Variants in PAK3 observed in about 807,000 individuals in gnomAD.
PAK3 encodes the protein p21 (RAC1) activated kinase 3, also known as serine/threonine-protein kinase PAK 3.
In PAK3, 4 loss-of-function variants were observed where a neutral mutation model predicts 41.0. That is an observed-to-expected ratio of 0.10 (90% CI 0.05 to 0.22). The LOEUF (loss-of-function observed/expected upper bound fraction) is 0.22, where lower values mean the gene tolerates loss of function less well. PAK3 is among the 10% of genes least tolerant of loss of function. The pLI is 1.00. For missense variants in PAK3, 205 were observed against 409.9 expected (o/e 0.50, Z 4.32); for synonymous variants, 146 against 139.6 (o/e 1.05, Z -0.32).
At chrX:110,954,304 T>C (rs961643363) in intron 1 of PAK3, among the ~76,000 whole-genome samples, 2 of 112,302 alleles carry the variant, frequency 1.8e-5, no homozygotes, top group African/African-American at 6.5e-5. Flanking sequence ...TTATTAACTG[T>C]TTGTTGTGTG....
At chrX:110,974,727 C>T (rs1331042553) in intron 1 of PAK3, among the ~76,000 whole-genome samples, 1 of 111,726 alleles carries the variant, frequency 9.0e-6, no homozygotes, top group East Asian at 2.8e-4. Context: ...TACCGGCAAA[C>T]CAAATCCAGC....
intron 1 of PAK3, among the ~76,000 whole-genome samples, chrX:110,998,209 G>A (rs1275904256): frequency 8.9e-6 from 1 of 111,769 alleles, no homozygotes; most frequent in Non-Finnish European, 1.9e-5. Flanking sequence ...GTAGAAAAGA[G>A]AAGTCCAAGG....
At chrX:111,211,136 G>A (rs1171985737) in intron 16 of PAK3, among the ~76,000 whole-genome samples, 1 of 111,273 alleles carries the variant, frequency 9.0e-6, no homozygotes, top group African/African-American at 3.3e-5. Context: ...AGTAGTATGT[G>A]AGCTTCAGCC....
chrX:110,988,451 T>C (rs979947736), intron 1 of PAK3, among the ~76,000 whole-genome samples: 1 of 112,424 alleles, frequency 8.9e-6, no homozygotes. Context: ...AAGACAGTTA[T>C]ATTTATCATT....
chrX:111,127,123 C>T (rs769676399), intron 5 of PAK3, among the ~76,000 whole-genome samples: 55 of 111,850 alleles, frequency 4.9e-4, no homozygotes, highest in African/African-American at 1.7e-3. Context: ...ATGCATACAG[C>T]TTTGTTGCTT....
rs1186368361 is a variant in PAK3, at chrX:110,948,394, A to G, written c.-28+3766A>G. 2.7e-5 allele frequency among the ~76,000 whole-genome samples: 3 copies of G among 111,896 alleles called. No individual in the cohort carries two copies. The East Asian group carries it at 8.5e-4, about 32-fold the overall frequency. On this transcript the variant is annotated intron_variant, in intron 1 of 14. Transcript: ENST00000425146. Reference sequence around the variant, plus strand: ...GCTAGCTGGTGCAGGATTTCTCTCCAGTAGCCCCAACACCCAACCTGGGCT... The same window carrying G: ...GCTAGCTGGTGCAGGATTTCTCTCCGGTAGCCCCAACACCCAACCTGGGCT...
In PAK3 at chrX:110,990,855, C is replaced by T. The variant is rs766726873; in HGVS notation, c.-28+46227C>T. On this transcript the variant is annotated intron_variant, in intron 1 of 14. Coordinates refer to the PAK3 transcript ENST00000425146. ...TATGAAGTCAAGGTGGGGCCAGGCACGGTGGTTCATGCCTGTAATCCCAGC... is the reference window on the plus strand; with the variant it reads ...TATGAAGTCAAGGTGGGGCCAGGCATGGTGGTTCATGCCTGTAATCCCAGC... Among the ~76,000 whole-genome samples, 8 of 110,663 alleles carry T rather than the reference C, an allele frequency of 7.2e-5. No individual in the cohort carries two copies. In the East Asian group the frequency reaches 1.4e-3, roughly 20 times the overall value.
intron 5 of PAK3, among the ~76,000 whole-genome samples, chrX:111,124,735 G>A (rs1170415846): frequency 9.0e-6 from 1 of 111,323 alleles, no homozygotes. Flanking sequence ...AGAAAATTGT[G>A]CCCAAACCCT....
At position 111,225,279 on chromosome X, in the gene PAK3, T is replaced by C. The variant is rs2094947448; in HGVS notation, c.*4832T>C. 8.9e-6 allele frequency: 1 copy of C among 112,292 alleles called. No homozygotes were observed. Among genetic ancestry groups the C allele is most frequent in the African/African-American group, 3.2e-5 (1 of 30,898 alleles). 9.3% of individuals were successfully genotyped at this position (112,292 alleles called of 1,213,427 possible). The stretch of plus-strand genomic sequence containing the variant: ...CCAAATGAATATAACCCAACATGCA[T>C]TGGGAATGTGTTTAATATTAAACAA... On this transcript the variant is annotated 3_prime_UTR_variant, in exon 18 of 18. Coordinates refer to ENST00000372007, the MANE Select transcript of PAK3 (RefSeq NM_002578.5).
intron 1 of PAK3, among the ~76,000 whole-genome samples, chrX:110,993,849 A>T (rs939558006): frequency 5.4e-5 from 6 of 111,616 alleles, no homozygotes; most frequent in Non-Finnish European, 7.5e-5. Context: ...TTCCTCTGTA[A>T]TTCTGTGCAC....
intron 1 of PAK3, among the ~76,000 whole-genome samples, chrX:111,013,514 T>C (rs987122886): frequency 9.0e-6 from 1 of 111,195 alleles, no homozygotes; most frequent in African/African-American, 3.3e-5. Flanking sequence ...TAACACTGAT[T>C]GAGCACCAGT....
chrX:111,146,852 G>T (rs949314114), intron 6 of PAK3, among the ~76,000 whole-genome samples: 6 of 111,737 alleles, frequency 5.4e-5, no homozygotes, highest in Non-Finnish European at 1.1e-4. Context: ...GACTTCTGTA[G>T]GCTGGACATG....
At chrX:111,035,012 G>A (rs763610512) in intron 1 of PAK3, among the ~76,000 whole-genome samples, 25 of 103,832 alleles carry the variant, frequency 2.4e-4, no homozygotes, top group Non-Finnish European at 4.5e-4. Context: ...GGGCTGAGGT[G>A]GAAGGATGGC....
At chrX:111,045,821 G>A (rs1385374967) in intron 1 of PAK3, among the ~76,000 whole-genome samples, 1 of 111,622 alleles carries the variant, frequency 9.0e-6, no homozygotes, top group African/African-American at 3.3e-5. Flanking sequence ...ACCATGGCGA[G>A]GCTAAGCTGT....
intron 5 of PAK3, 89 bp from the exon 6 acceptor site, chrX:111,142,007 T>C (rs1295163841): frequency 1.2e-5 from 7 of 573,210 alleles, no homozygotes; most frequent in Non-Finnish European, 2.2e-5. Context: ...GTCTTTCAAC[T>C]TTGTAATTGT....
intron 1 of PAK3, among the ~76,000 whole-genome samples, chrX:111,045,105 T>C (rs2092484745): frequency 8.9e-6 from 1 of 112,368 alleles, no homozygotes; most frequent in Non-Finnish European, 1.9e-5. Flanking sequence ...GCTTAGGTAC[T>C]GTTAGCTATT....
Position 111,017,554 on chromosome X carries a change from C to T in PAK3, c.-28+72926C>T, listed in dbSNP as rs183087531. Among the ~76,000 whole-genome samples the T allele has an allele frequency of 1.2e-4, 13 of 111,640 alleles. No individual in the cohort carries two copies. The Admixed American group carries it at 1.2e-3, about 11-fold the overall frequency. On this transcript the variant is annotated intron_variant, in intron 1 of 14. Coordinates refer to the PAK3 transcript ENST00000425146. ...CAATATTGAATTATGAAGAAATAGA[C>T]AATGCCAATACACCTATAACTAGTA...
intron 14 of PAK3, among the ~76,000 whole-genome samples, chrX:111,194,954 C>A (rs750748827): frequency 8.9e-6 from 1 of 112,112 alleles, no homozygotes; most frequent in Non-Finnish European, 1.9e-5. Context: ...TGTCATACCC[C>A]TAAGGGGTTT....
intron 8 of PAK3, among the ~76,000 whole-genome samples, chrX:111,158,792 G>A (rs1361592868): frequency 3.6e-5 from 4 of 112,202 alleles, no homozygotes; most frequent in Admixed American, 9.5e-5. Flanking sequence ...CTGGAAGTTA[G>A]CAGTGAAGAT....
Sources: allele counts gnomAD v4.1 joint callset (sites outside exome capture counted in the v4.1 genomes callset), GRCh38; gene constraint gnomAD v4.1.1; transcripts MANE v1.5; gene names NCBI Gene and HGNC (gene_info 2026-07-23, HGNC 2026-07-21).